SCHIP1: variants seen among roughly 807,000 people sequenced by gnomAD.
SCHIP1 encodes the protein schwannomin interacting protein 1.
SCHIP1 carries 8 observed loss-of-function variants against 29.7 expected under a neutral mutation model. That is an observed-to-expected ratio of 0.27 (90% CI 0.16 to 0.49). SCHIP1 has a LOEUF of 0.49. SCHIP1 is among the 20% of genes least tolerant of loss of function. The pLI, the probability that SCHIP1 is intolerant of heterozygous loss-of-function variation, is 0.99. For synonymous variants in SCHIP1, 76 were observed against 94.9 expected (o/e 0.80, Z 1.16); for missense variants, 193 against 294.6 (o/e 0.66, Z 2.52).
the SCHIP1 span, among the ~76,000 whole-genome samples, chr3:159,424,098 CAG>C: frequency 6.8e-6 from 1 of 147,838 alleles, no homozygotes. Context: ...GGGGAAAAAA[CAG>C]AGCAGAAAAA....
At chr3:159,721,219 A>G in the SCHIP1 span, among the ~76,000 whole-genome samples, 3 of 152,366 alleles carry the variant, frequency 2.0e-5, no homozygotes, top group African/African-American at 7.2e-5. Flanking sequence ...CCATGGACAC[A>G]TAGTTGCTTC....
At chr3:159,585,519 T>G in the SCHIP1 span, among the ~76,000 whole-genome samples, 1 of 152,188 alleles carries the variant, frequency 6.6e-6, no homozygotes, top group African/African-American at 2.4e-5. Context: ...GGGCAGAAGT[T>G]AGAACTGTTT....
the SCHIP1 span, chr3:159,274,123 A>G: frequency 2.0e-6 from 2 of 985,204 alleles, no homozygotes; most frequent in Non-Finnish European, 2.4e-6. Flanking sequence ...TCTAAGTTTG[A>G]GTGTTCTTTT....
the SCHIP1 span, among the ~76,000 whole-genome samples, chr3:159,304,780 T>C: frequency 6.6e-6 from 1 of 152,216 alleles, no homozygotes; most frequent in African/African-American, 2.4e-5. Flanking sequence ...GTGTCTTGTC[T>C]ATATCCTCAA....
At chr3:159,753,228 C>T in the SCHIP1 span, among the ~76,000 whole-genome samples, 15 of 152,190 alleles carry the variant, frequency 9.9e-5, no homozygotes, top group Non-Finnish European at 1.9e-4. Flanking sequence ...CTATGATTCC[C>T]ATCTTTATAT....
At chr3:159,504,075 G>GT in the SCHIP1 span, among the ~76,000 whole-genome samples, 1 of 152,180 alleles carries the variant, frequency 6.6e-6, no homozygotes, top group East Asian at 1.9e-4. Context: ...ATTCAGATCT[G>GT]TTTTTTGGAA....
the SCHIP1 span, among the ~76,000 whole-genome samples, chr3:159,823,774 C>T: frequency 6.6e-6 from 1 of 152,160 alleles, no homozygotes; most frequent in Non-Finnish European, 1.5e-5. Context: ...GGTATGTGAC[C>T]TCCGTAGGCT....
At chr3:159,804,844 T>G in the SCHIP1 span, among the ~76,000 whole-genome samples, 1 of 152,252 alleles carries the variant, frequency 6.6e-6, no homozygotes, top group Non-Finnish European at 1.5e-5. Flanking sequence ...CTCTGTTTTT[T>G]GCCGTCAGTT....
the SCHIP1 span, among the ~76,000 whole-genome samples, chr3:159,663,769 G>A: frequency 3.5e-3 from 535 of 152,050 alleles, 2 homozygotes; most frequent in Non-Finnish European, 5.9e-3. Context: ...GACAAGCCCC[G>A]GGACAGAAAA....
chr3:159,464,995 C>A, the SCHIP1 span, among the ~76,000 whole-genome samples: 1 of 152,048 alleles, frequency 6.6e-6, no homozygotes, highest in African/African-American at 2.4e-5. Context: ...TAAAGCAAGA[C>A]ATTATAGCCT....
At chr3:159,590,739 T>C in the SCHIP1 span, among the ~76,000 whole-genome samples, 1 of 152,308 alleles carries the variant, frequency 6.6e-6, no homozygotes, top group East Asian at 1.9e-4. Flanking sequence ...TAATGATGAC[T>C]TTGATTACTC....
the SCHIP1 span, among the ~76,000 whole-genome samples, chr3:159,577,639 G>T: frequency 1.1e-4 from 17 of 152,262 alleles, no homozygotes; most frequent in East Asian, 3.1e-3. Context: ...CAGGCAATTT[G>T]TTCTCATGCA....
chr3:159,711,688 C>T, the SCHIP1 span, among the ~76,000 whole-genome samples: 1 of 152,080 alleles, frequency 6.6e-6, no homozygotes, highest in Non-Finnish European at 1.5e-5. Context: ...CTTATTTTTC[C>T]TGTGTATTAG....
the SCHIP1 span, among the ~76,000 whole-genome samples, chr3:159,696,607 G>A: frequency 6.6e-6 from 1 of 152,152 alleles, no homozygotes; most frequent in African/African-American, 2.4e-5. Flanking sequence ...ACAATAGTGG[G>A]CAACTTAGAC....
At chr3:159,795,119 G>A in the SCHIP1 span, among the ~76,000 whole-genome samples, 1 of 152,206 alleles carries the variant, frequency 6.6e-6, no homozygotes, top group African/African-American at 2.4e-5. Flanking sequence ...TATAGATGTG[G>A]TTAATAAGTC....
chr3:159,839,990 C>A (rs992002374), exon 1 of SCHIP1: 2 of 1,434,094 alleles, frequency 1.4e-6, no homozygotes, highest in African/African-American at 2.9e-5. Context: ...CAGCTCAGCT[C>A]GCTAGCTGCG....
chr3:159,605,764 A>G, the SCHIP1 span, among the ~76,000 whole-genome samples: 1 of 152,212 alleles, frequency 6.6e-6, no homozygotes, highest in Non-Finnish European at 1.5e-5. Flanking sequence ...TGAGGATAAC[A>G]ATTCTTGTCA....
the SCHIP1 span, among the ~76,000 whole-genome samples, chr3:159,677,725 T>A: frequency 6.6e-6 from 1 of 152,192 alleles, no homozygotes; most frequent in Non-Finnish European, 1.5e-5. Context: ...GGGATCCTTT[T>A]TTTCTACTAT....
the SCHIP1 span, among the ~76,000 whole-genome samples, chr3:159,590,874 C>G: frequency 6.6e-6 from 1 of 152,116 alleles, no homozygotes; most frequent in African/African-American, 2.4e-5. Flanking sequence ...TCTTCTGCAT[C>G]CTGGGGAAGC....
Sources: gnomAD v4.1 joint callset for allele counts (sites outside exome capture counted in the v4.1 genomes callset) on GRCh38, gnomAD v4.1.1 for gene constraint, MANE v1.5 for transcripts, NCBI Gene and HGNC (gene_info 2026-07-23, HGNC 2026-07-21) for gene names.